CCSER1: variants seen among roughly 807,000 people sequenced by gnomAD.
CCSER1 encodes serine-rich coiled-coil domain-containing protein 1.
Under a neutral mutation model 82.0 loss-of-function variants are expected in CCSER1, and 41 were observed. The ratio of observed to expected loss-of-function variants is 0.50; its 90% CI spans 0.39 to 0.65. The LOEUF is 0.65. Among genes scored for constraint, CCSER1 ranks in the 30% least tolerant of loss-of-function variants. CCSER1 has a pLI of 0.00. For synonymous variants in CCSER1, 414 were observed against 383.9 expected, an observed-to-expected ratio of 1.08 and a Z score of -0.92; for missense variants, 1,119 against 1,064.2, an observed-to-expected ratio of 1.05 and a Z score of -0.72.
intron 7 of CCSER1, among the ~76,000 whole-genome samples, chr4:90,803,494 G>A (rs1044948849): frequency 6.6e-6 from 1 of 152,136 alleles, no homozygotes; most frequent in Admixed American, 6.6e-5. Flanking sequence ...AGTTTGCTGA[G>A]AATGATGGTT....
intron 10 of CCSER1, among the ~76,000 whole-genome samples, chr4:91,292,094 G>A (rs1361819952): frequency 1.3e-5 from 2 of 151,958 alleles, no homozygotes; most frequent in East Asian, 1.9e-4. Context: ...CTTGAAAGGC[G>A]AATAGAAGTT....
chr4:90,589,777 T>C lies in CCSER1; in HGVS notation c.1725-38248T>C, dbSNP rs183014046. Among the ~76,000 whole-genome samples, 15 of 152,220 alleles carry C rather than the reference T, an allele frequency of 9.9e-5. 1 individual carries two copies. The East Asian group carries it at 1.7e-3, about 18-fold the overall frequency. On this transcript the variant is annotated intron_variant, in intron 5 of 10. Transcript: ENST00000509176. ...AGAAGGTGCAGTCTCTTTCAGAGAA[T>C]TCTAAAAAAAAATCACATTCTATTT...
intron 9 of CCSER1, among the ~76,000 whole-genome samples, chr4:90,925,309 G>A (rs188530807): frequency 1.2e-4 from 19 of 152,176 alleles, no homozygotes; most frequent in Admixed American, 5.2e-4. Context: ...ACTACATGAC[G>A]TTTGTTGGGA....
At chr4:90,996,497 T>G (rs78367602) in intron 9 of CCSER1, among the ~76,000 whole-genome samples, 1 of 152,246 alleles carries the variant, frequency 6.6e-6, no homozygotes, top group African/African-American at 2.4e-5. Flanking sequence ...AAAAATAGAT[T>G]GAAATAGTAC....
chr4:91,358,410 TCC>T (rs1553927780), intron 10 of CCSER1, among the ~76,000 whole-genome samples: 1 of 146,982 alleles, frequency 6.8e-6, no homozygotes, highest in Non-Finnish European at 1.5e-5. Flanking sequence ...TTTTTTTTTT[TCC>T]CGAGACAAAA....
intron 9 of CCSER1, among the ~76,000 whole-genome samples, chr4:90,933,036 G>GAAAGA (rs1730364900): frequency 1.0e-5 from 1 of 96,174 alleles, no homozygotes; most frequent in Admixed American, 1.0e-4. Flanking sequence ...AAGAAAGAAA[G>GAAAGA]AAAGAAAGAG....
chr4:90,180,819 A>G (rs1387781141), intron 1 of CCSER1, among the ~76,000 whole-genome samples: 1 of 152,154 alleles, frequency 6.6e-6, no homozygotes, highest in Non-Finnish European at 1.5e-5. Flanking sequence ...CATGGCTTCG[A>G]CAACAAATAA....
intron 5 of CCSER1, among the ~76,000 whole-genome samples, chr4:90,512,155 A>T (rs114074825): frequency 4.3e-4 from 66 of 152,094 alleles, no homozygotes; most frequent in Non-Finnish European, 6.8e-4. Flanking sequence ...TCATGATGTC[A>T]TCTCTAAAAC....
At chr4:90,482,701 C>T (rs953099960) in intron 5 of CCSER1, among the ~76,000 whole-genome samples, 25 of 152,118 alleles carry the variant, frequency 1.6e-4, no homozygotes, top group African/African-American at 5.6e-4. Context: ...TTTCTTAATC[C>T]TGAGTTCTAG....
intron 1 of CCSER1, among the ~76,000 whole-genome samples, chr4:90,278,144 A>C (rs908416585): frequency 7.9e-5 from 12 of 152,130 alleles, no homozygotes; most frequent in Non-Finnish European, 1.8e-4. Context: ...ATCTCACACC[A>C]ATCAGAATGG....
chr4:90,143,480 A>G (rs933022026), intron 1 of CCSER1, among the ~76,000 whole-genome samples: 1 of 134,644 alleles, frequency 7.4e-6, no homozygotes, highest in African/African-American at 2.8e-5. Context: ...GTTTCCTAGC[A>G]AGTACACACA....
intron 6 of CCSER1, among the ~76,000 whole-genome samples, chr4:90,689,580 T>C (rs889726931): frequency 1.3e-5 from 2 of 152,088 alleles, no homozygotes; most frequent in East Asian, 1.9e-4. Context: ...ATCTCAAAAA[T>C]AATTAGTAGT....
intron 10 of CCSER1, among the ~76,000 whole-genome samples, chr4:91,519,394 G>T (rs147322137): frequency 1.6e-4 from 24 of 152,338 alleles, no homozygotes; most frequent in African/African-American, 5.5e-4. Context: ...CCCAGTGAGG[G>T]TTGGCTGGTG....
chr4:91,084,349 A>C (rs1485882919), intron 9 of CCSER1, among the ~76,000 whole-genome samples: 1 of 152,178 alleles, frequency 6.6e-6, no homozygotes, highest in Non-Finnish European at 1.5e-5. Context: ...CCCTTTGCTA[A>C]ATGCTGTTAC....
At chr4:91,005,525 AT>A (rs148480798) in intron 9 of CCSER1, among the ~76,000 whole-genome samples, 9,940 of 152,142 alleles carry the variant, frequency 0.065, 459 homozygotes, top group East Asian at 0.2. Context: ...AGCTGGAATC[AT>A]TTTTTAAAAT....
chr4:90,784,973 A>C (rs1224067682), intron 7 of CCSER1, among the ~76,000 whole-genome samples: 1 of 152,132 alleles, frequency 6.6e-6, no homozygotes, highest in Non-Finnish European at 1.5e-5. Context: ...GCTGAGGAGG[A>C]ACAGGAAGAT....
chr4:90,984,948 C>G (rs931374649), intron 9 of CCSER1, among the ~76,000 whole-genome samples: 7 of 151,624 alleles, frequency 4.6e-5, no homozygotes, highest in African/African-American at 1.7e-4. Flanking sequence ...GACACTGCCC[C>G]CAACTTCCAT....
chr4:90,373,500 C>G (rs747646879), intron 3 of CCSER1, among the ~76,000 whole-genome samples: 5 of 152,164 alleles, frequency 3.3e-5, no homozygotes, highest in Admixed American at 6.5e-5. Flanking sequence ...AACAGTTGCA[C>G]TCCTTGAAAG....
chr4:91,162,042 C>T (rs1731466599), intron 10 of CCSER1, among the ~76,000 whole-genome samples: 2 of 152,240 alleles, frequency 1.3e-5, no homozygotes, highest in Non-Finnish European at 1.5e-5. Context: ...GCAGTTTTTG[C>T]CCATTCAGTA....
Sources: allele counts gnomAD v4.1 joint callset (sites outside exome capture counted in the v4.1 genomes callset), GRCh38; gene constraint gnomAD v4.1.1; transcripts MANE v1.5; gene names NCBI Gene and HGNC (gene_info 2026-07-23, HGNC 2026-07-21).